AANAT: variants seen among roughly 807,000 people sequenced by gnomAD.
The protein encoded by AANAT is aralkylamine N-acetyltransferase.
AANAT carries 11 observed loss-of-function variants against 15.6 expected under a neutral mutation model. The ratio of observed to expected loss-of-function variants is 0.71; its 90% confidence interval spans 0.44 to 1.17. The LOEUF (loss-of-function observed/expected upper bound fraction) is 1.17, where lower values mean the gene tolerates loss of function less well. Ranked by LOEUF, AANAT falls within the 50% of genes most tolerant of loss-of-function variation. The pLI, the probability that AANAT is intolerant of heterozygous loss-of-function variation, is 0.00. For synonymous variants in AANAT, 139 were observed against 131.5 expected (o/e 1.06, Z -0.39); for missense variants, 286 against 296.3 (o/e 0.97, Z 0.26).
At chr17:76,466,194 G>A, upstream of AANAT, 1 of 1,536,764 alleles carries the variant, frequency 6.5e-7, no homozygotes, top group Non-Finnish European at 8.7e-7. Context: ...GTCTATGAAG[G>A]GACAGAAGAG....
chr17:76,469,066 C>G lies in AANAT; in HGVS notation c.164-107C>G. ...TGGGGGAAACAGCAGCCCTAACCCC[C>G]ATTTTCCTGTGGGGAACGGGGCATC... On this transcript the variant is annotated intron_variant, in intron 2 of 3. Transcript: ENST00000392492. The surrounding 1 kb of genome is among the most constrained non-coding windows in gnomAD (Gnocchi z 5.2). 6.5e-7 allele frequency: 1 copy of G among 1,539,714 alleles called. No individual in the cohort carries two copies. Among genetic ancestry groups the G allele is most frequent in the Non-Finnish European group, 8.9e-7 (1 of 1,129,192 alleles).
chr17:76,469,465 C>T lies in AANAT; in HGVS notation c.318+138C>T. 1.5e-6 allele frequency: 2 copies of T among 1,324,516 alleles called. No individual in the cohort carries two copies. The highest frequency in any genetic ancestry group is 1.0e-6 in the Non-Finnish European group (1 of 975,878). The allele number at this position is 1,324,516 out of a possible 1,614,324, so 82.0% of individuals were successfully genotyped here. A position where few individuals can be genotyped will look rare whatever the true frequency, so the allele number is the denominator to read the frequency against. Reference sequence around the variant, plus strand: ...GATGAGTACAGGCCACAGGCCCCTCCCAGAGCAAGACCTTCTGGGTCTTCA... The same window carrying T: ...GATGAGTACAGGCCACAGGCCCCTCTCAGAGCAAGACCTTCTGGGTCTTCA... On this transcript the variant is annotated intron_variant, in intron 3 of 3. Transcript: ENST00000392492. The surrounding 1 kb of genome is among the most constrained non-coding windows in gnomAD (Gnocchi z 5.2).
chr17:76,464,164 A>C (rs991000232), upstream of AANAT, among the ~76,000 whole-genome samples: 3 of 152,148 alleles, frequency 2.0e-5, no homozygotes, highest in African/African-American at 7.2e-5. Context: ...AATATGGCGA[A>C]AGCCCATCTC....
chr17:76,469,304 T>A lies in AANAT; in HGVS notation c.295T>A (p.Trp99Arg). 1 of 1,614,058 alleles carries A rather than the reference T, an allele frequency of 6.2e-7. No individual in the cohort carries two copies. Among genetic ancestry groups the A allele is most frequent in the Non-Finnish European group, 8.5e-7 (1 of 1,180,020 alleles). ...CLVAFIIGSL[W>R]DKERLMQESL... is the part of the protein sequence containing the mutation. The stretch of plus-strand genomic sequence containing the variant: ...TGTGGCCTTCATCATCGGCTCGCTC[T>A]GGGACAAGGAGAGACTCATGCAGGT... Residue 99 changes from tryptophan (W) to arginine (R), a missense_variant, in exon 3 of 4, where the codon TGG (tryptophan) becomes AGG (arginine). By Grantham distance (101) the Trp-to-Arg change is moderately radical. Coordinates refer to ENST00000392492, the MANE Select transcript of AANAT (RefSeq NM_001088.3). This position sits in a 1 kb window ranked among gnomAD's most constrained non-coding sequence, Gnocchi z 5.2.
At chr17:76,457,802 G>A (rs1449550974) in intron 1 of AANAT, among the ~76,000 whole-genome samples, 1 of 152,244 alleles carries the variant, frequency 6.6e-6, no homozygotes, top group Non-Finnish European at 1.5e-5. Flanking sequence ...CATTTTGGGA[G>A]GCCAAGGTGG....
rs558589424 is a variant in AANAT, at chr17:76,456,616, AGGAC to A, written c.-575-2629_-575-2626del. ...ATGACCATCTGGAATCACTGCTGTA[AGGAC>A]GCAGGTCCCTACTCCCTCTCCTGTA... On this transcript the variant is annotated intron_variant, in intron 1 of 6. Transcript: ENST00000250615. Among the ~76,000 whole-genome samples the A allele has an allele frequency of 4.9e-4, 75 of 152,302 alleles. No homozygotes were observed. The Middle Eastern group carries it at 0.01, about 21-fold the overall frequency.
upstream of AANAT, among the ~76,000 whole-genome samples, chr17:76,466,922 C>T (rs1043591914): frequency 1.4e-4 from 21 of 152,164 alleles, no homozygotes; most frequent in Non-Finnish European, 2.9e-4. Context: ...AATCCAACCT[C>T]CAGGACCCCC....
At chr17:76,456,008 G>A (rs1418066109) in intron 1 of AANAT, among the ~76,000 whole-genome samples, 2 of 151,468 alleles carry the variant, frequency 1.3e-5, no homozygotes, top group Admixed American at 6.6e-5. Context: ...GCGAGACTGC[G>A]TCTCAAAAAA....
chr17:76,453,873 G>A (rs1174277975), intron 1 of AANAT: 2 of 152,244 alleles, frequency 1.3e-5, no homozygotes, highest in Admixed American at 1.3e-4. Flanking sequence ...AATGGCAAGA[G>A]GTAGTATAGT....
intron 2 of AANAT, among the ~76,000 whole-genome samples, chr17:76,460,064 C>T (rs1232990409): frequency 6.6e-6 from 1 of 151,922 alleles, no homozygotes; most frequent in Non-Finnish European, 1.5e-5. Flanking sequence ...CCTTCCAACC[C>T]CCCTTCCCCC....
intron 2 of AANAT, among the ~76,000 whole-genome samples, chr17:76,462,022 A>G (rs2073393772): frequency 6.6e-6 from 1 of 152,144 alleles, no homozygotes; most frequent in East Asian, 1.9e-4. Context: ...CCTTGGGGAC[A>G]ATGCCTCTTC....
intron 2 of AANAT, among the ~76,000 whole-genome samples, chr17:76,459,970 T>C (rs561167861): frequency 1.8e-4 from 28 of 152,090 alleles, no homozygotes; most frequent in African/African-American, 5.1e-4. Flanking sequence ...AGCACGGTCA[T>C]TGGACTCTTG....
At chr17:76,456,975 ACTC>A in intron 1 of AANAT, among the ~76,000 whole-genome samples, 1 of 152,114 alleles carries the variant, frequency 6.6e-6, no homozygotes, top group Middle Eastern at 3.4e-3. Flanking sequence ...CCTCAGAAGA[ACTC>A]CTGATTGCAC....
chr17:76,463,152 G>A (rs2073405587), upstream of AANAT, among the ~76,000 whole-genome samples: 1 of 152,166 alleles, frequency 6.6e-6, no homozygotes, highest in Non-Finnish European at 1.5e-5. Flanking sequence ...CCGGGATGGG[G>A]TGGGGGCCGT....
In AANAT at chr17:76,469,733, C is replaced by T; in HGVS notation, c.387C>T (p.Ala129=). Residue 129 remains alanine, a synonymous_variant, in exon 4 of 4, where the codon GCC becomes GCT. Transcript: ENST00000392492. This position sits in a 1 kb window ranked among gnomAD's most constrained non-coding sequence, Gnocchi z 5.2. ...AHLHVLAVHR[A]FRQQGRGPIL... ...TGCATGTGCTGGCCGTGCACCGCGC[C>T]TTCCGGCAGCAGGGCAGGGGCCCCA... The T allele has an allele frequency of 6.4e-7, 1 of 1,558,694 alleles. No individual in the cohort carries two copies. Among genetic ancestry groups the T allele is most frequent in the East Asian group, 2.3e-5 (1 of 43,152 alleles).
At position 76,469,640 on chromosome 17, in the gene AANAT, G is replaced by T; in HGVS notation, c.319-25G>T. Reference sequence around the variant, plus strand: ...GCACGTGTCAGCAGAAGTGACCTGGGATCTCATCCCTTGCTCGCTCCCAGG... The same window carrying T: ...GCACGTGTCAGCAGAAGTGACCTGGTATCTCATCCCTTGCTCGCTCCCAGG... On this transcript the variant is annotated intron_variant, in intron 3 of 3. Transcript: ENST00000392492. This position sits in a 1 kb window ranked among gnomAD's most constrained non-coding sequence, Gnocchi z 5.2. 4.1e-6 allele frequency: 6 copies of T among 1,446,976 alleles called. No homozygotes were observed. Among genetic ancestry groups the T allele is most frequent in the Non-Finnish European group, 4.5e-6 (5 of 1,101,540 alleles). The allele number at this position is 1,446,976 out of a possible 1,614,324, so 89.6% of individuals were successfully genotyped here.
rs181469954 is a variant in AANAT at position 76,460,217 on chromosome 17, C to T, written c.-456+851C>T. On this transcript the variant is annotated intron_variant, in intron 2 of 6. Coordinates refer to the AANAT transcript ENST00000250615. The stretch of plus-strand genomic sequence containing the variant: ...AGGCTGGAGTGTCCTGGCAGGACCT[C>T]GACTCACTGCAACCTCCGCATCCCG... 6.3e-5 allele frequency among the ~76,000 whole-genome samples: 9 copies of T among 143,394 alleles called. No individual in the cohort carries two copies. In the East Asian group the frequency reaches 1.1e-3, roughly 17 times the overall value. The allele number at this position is 143,394 out of a possible 152,430, so 94.1% of individuals were successfully genotyped here.
chr17:76,469,815 G>T lies in AANAT; in HGVS notation c.469G>T (p.Ala157Ser). 6.2e-7 allele frequency: 1 copy of T among 1,604,116 alleles called. No individual in the cohort carries two copies. The highest frequency in any genetic ancestry group is 8.5e-7 in the Non-Finnish European group (1 of 1,176,528). ...LGSQPAVRRAALMCEDALVPF... is the reference protein window; with the variant it reads ...LGSQPAVRRASLMCEDALVPF... ...CAGCCAGCCGGCCGTGCGCCGGGCCGCGCTCATGTGCGAGGACGCGCTGGT... is the reference window on the plus strand; with the variant it reads ...CAGCCAGCCGGCCGTGCGCCGGGCCTCGCTCATGTGCGAGGACGCGCTGGT... The change falls in exon 4 of 4, where the codon GCG becomes TCG. Residue 157 changes from alanine to serine, a missense_variant. Physicochemically the swap from Ala to Ser is moderately conservative, Grantham distance 99. Coordinates refer to ENST00000392492, the MANE Select transcript of AANAT (RefSeq NM_001088.3). This position sits in a 1 kb window ranked among gnomAD's most constrained non-coding sequence, Gnocchi z 5.2.
upstream of AANAT, among the ~76,000 whole-genome samples, chr17:76,462,794 A>C (rs547956230): frequency 1.1e-4 from 16 of 152,306 alleles, no homozygotes; most frequent in Admixed American, 2.6e-4. Context: ...GTGACCATCG[A>C]AACCACCAAA....
Sources: gnomAD v4.1 joint callset for allele counts (sites outside exome capture counted in the v4.1 genomes callset) on GRCh38, gnomAD v4.1.1 for gene constraint, Gnocchi (gnomAD v3.1) non-coding constraint, MANE v1.5 for transcripts, NCBI Gene and HGNC (gene_info 2026-07-23, HGNC 2026-07-21) for gene names.